Variants in HIVEP1 observed in about 807,000 individuals in gnomAD.
The protein encoded by HIVEP1 is HIVEP zinc finger 1.
Under a neutral mutation model 180.0 loss-of-function variants are expected in HIVEP1, and 36 were observed. The ratio of observed to expected loss-of-function variants is 0.20; its 90% confidence interval spans 0.15 to 0.26. The LOEUF is 0.26. Among genes scored for constraint, HIVEP1 ranks in the 10% least tolerant of loss-of-function variants. The probability of loss-of-function intolerance (pLI) is 1.00; values close to 1 mark genes in which losing one functional copy is unlikely to be tolerated. For missense variants in HIVEP1, 3,143 were observed against 3,268.7 expected, an observed-to-expected ratio of 0.96 and a Z score of 0.94; for synonymous variants, 1,239 against 1,239.0, an observed-to-expected ratio of 1.00 and a Z score of 0.00.
At chr6:12,012,256 C>G (rs902319725), upstream of HIVEP1, 2 of 147,584 alleles carry the variant, frequency 1.4e-5, no homozygotes, top group Non-Finnish European at 3.0e-5. Flanking sequence ...CGCGCTCCCC[C>G]CCCCGCCCCC....
chr6:12,056,582 T>G (rs774855127), intron 2 of HIVEP1, among the ~76,000 whole-genome samples: 4 of 152,252 alleles, frequency 2.6e-5, no homozygotes, highest in Non-Finnish European at 4.4e-5. Flanking sequence ...GATTATCATA[T>G]CAGCTGCAAA....
the HIVEP1 span, among the ~76,000 whole-genome samples, chr6:12,200,366 C>T: frequency 6.6e-6 from 1 of 152,258 alleles, no homozygotes; most frequent in Non-Finnish European, 1.5e-5. Flanking sequence ...TGAACTGCTA[C>T]TATCTGCCTA....
chr6:12,093,825 A>G lies in HIVEP1; in HGVS notation c.94+4588A>G, dbSNP rs1773632542. On this transcript the variant is annotated intron_variant, in intron 3 of 8. Coordinates refer to ENST00000379388, the MANE Select transcript of HIVEP1 (RefSeq NM_002114.4). ...CAGTGTGCAATAACTAGTATATACT[A>G]TATACAGTAGGGCAGATTCCTTGTG... Among the ~76,000 whole-genome samples, 3 of 152,024 alleles carry G rather than the reference A, an allele frequency of 2.0e-5. No homozygotes were observed. The South Asian group carries it at 6.2e-4, about 32-fold the overall frequency.
intron 2 of HIVEP1, 134 bp downstream of exon 2, chr6:12,015,802 C>T: frequency 2.8e-6 from 2 of 721,972 alleles, no homozygotes; most frequent in Non-Finnish European, 4.8e-6. Flanking sequence ...TGCTCATTTC[C>T]AGCAGTCCTG....
intron 2 of HIVEP1, among the ~76,000 whole-genome samples, chr6:12,019,717 A>G (rs1399612655): frequency 6.6e-6 from 1 of 152,134 alleles, no homozygotes; most frequent in African/African-American, 2.4e-5. Context: ...TATTTTTCTT[A>G]TGCTTCCATG....
the HIVEP1 span, among the ~76,000 whole-genome samples, chr6:12,181,354 C>T: frequency 2.0e-5 from 3 of 151,366 alleles, no homozygotes; most frequent in Non-Finnish European, 2.9e-5. Context: ...AGTGAGACTC[C>T]GTCTCAAAAA....
chr6:12,058,122 A>G (rs1186848885), intron 2 of HIVEP1, among the ~76,000 whole-genome samples: 1 of 152,186 alleles, frequency 6.6e-6, no homozygotes, highest in Non-Finnish European at 1.5e-5. Context: ...GAAGGCATCT[A>G]GGTAATCAGA....
chr6:12,037,892 G>A (rs549039042), intron 2 of HIVEP1: 176 of 394,582 alleles, frequency 4.5e-4, no homozygotes, highest in African/African-American at 3.4e-3. Context: ...TTTTTTTGGC[G>A]GAGGGGAGGG....
At chr6:12,062,644 T>C (rs1771314621) in intron 2 of HIVEP1, among the ~76,000 whole-genome samples, 1 of 152,222 alleles carries the variant, frequency 6.6e-6, no homozygotes, top group Non-Finnish European at 1.5e-5. Context: ...CTAAATATTC[T>C]TATTCTTGTT....
chr6:12,016,789 ATG>A (rs1238021031), intron 2 of HIVEP1, among the ~76,000 whole-genome samples: 3 of 152,184 alleles, frequency 2.0e-5, no homozygotes, highest in Non-Finnish European at 4.4e-5. Context: ...TGAAAATTGA[ATG>A]TGTTTGCCCG....
At chr6:12,154,745 A>G (rs1404395481) in intron 7 of HIVEP1, among the ~76,000 whole-genome samples, 1 of 152,158 alleles carries the variant, frequency 6.6e-6, no homozygotes, top group Admixed American at 6.5e-5. Flanking sequence ...TCCCTGGCAC[A>G]TGTATACCTC....
chr6:12,211,173 G>A, the HIVEP1 span, among the ~76,000 whole-genome samples: 1 of 144,342 alleles, frequency 6.9e-6, no homozygotes, highest in Non-Finnish European at 1.5e-5. Flanking sequence ...GCTGAGGCGG[G>A]CGGATCACGA....
upstream of HIVEP1, among the ~76,000 whole-genome samples, chr6:12,010,144 T>C (rs1767198310): frequency 1.3e-5 from 2 of 152,240 alleles, no homozygotes; most frequent in East Asian, 1.9e-4. Flanking sequence ...TTGCAACCTA[T>C]TGGATATCAT....
chr6:12,070,763 A>G (rs547057848), intron 2 of HIVEP1, among the ~76,000 whole-genome samples: 26 of 152,304 alleles, frequency 1.7e-4, no homozygotes, highest in African/African-American at 6.3e-4. Flanking sequence ...TGACCTGACC[A>G]TTTATAAAAT....
intron 2 of HIVEP1, among the ~76,000 whole-genome samples, chr6:12,026,687 T>C (rs954292177): frequency 6.6e-6 from 1 of 152,194 alleles, no homozygotes; most frequent in Admixed American, 6.5e-5. Flanking sequence ...GCAGTATCTT[T>C]TATGTTAACA....
chr6:12,141,714 A>AAAAAAAAAAAAAAC, intron 7 of HIVEP1, among the ~76,000 whole-genome samples: 1 of 139,144 alleles, frequency 7.2e-6, no homozygotes, highest in Non-Finnish European at 1.5e-5. Flanking sequence ...AAAAAAAAAA[A>AAAAAAAAAAAAAAC]AAAAAAGCAG....
chr6:12,054,557 C>T (rs74935434), intron 2 of HIVEP1, among the ~76,000 whole-genome samples: 1,683 of 152,272 alleles, frequency 0.011, 33 homozygotes, highest in African/African-American at 0.038. Flanking sequence ...TTTTGGGATG[C>T]TCCCCTTAAT....
chr6:12,100,673 T>C (rs1774065259), intron 3 of HIVEP1, among the ~76,000 whole-genome samples: 1 of 152,198 alleles, frequency 6.6e-6, no homozygotes, highest in Non-Finnish European at 1.5e-5. Context: ...GTGTTTTAGT[T>C]GAAGGCTGAA....
chr6:12,149,173 ATGTATACTTGATACTAATAGGATATT>A (rs1759541542), intron 7 of HIVEP1, among the ~76,000 whole-genome samples: 1 of 152,184 alleles, frequency 6.6e-6, no homozygotes, highest in Admixed American at 6.5e-5. Flanking sequence ...TCTGAAAGTG[ATGTATACTTGATACTAATAGGATATT>A]TAAGAACATG....
Sources: allele counts gnomAD v4.1 joint callset (sites outside exome capture counted in the v4.1 genomes callset), GRCh38; gene constraint gnomAD v4.1.1; transcripts MANE v1.5; gene names NCBI Gene and HGNC (gene_info 2026-07-23, HGNC 2026-07-21).